The following CHIA variants were observed in gnomAD, a reference collection of about 807,000 sequenced individuals.
CHIA encodes the protein acidic mammalian chitinase.
In CHIA, 47 loss-of-function variants were observed where a neutral mutation model predicts 53.5. That is an observed-to-expected ratio of 0.88 (90% confidence interval 0.70 to 1.12). The LOEUF (loss-of-function observed/expected upper bound fraction) is 1.12. Ranked by LOEUF, CHIA falls within the 50% of genes most tolerant of loss-of-function variation. CHIA has a pLI of 0.00. For missense variants in CHIA, 652 were observed against 592.2 expected (o/e 1.10, Z -1.05); for synonymous variants, 268 against 222.2 (o/e 1.21, Z -1.83).
At chr1:111,312,960 T>C (rs1002965157) in intron 4 of CHIA, among the ~76,000 whole-genome samples, 1 of 152,222 alleles carries the variant, frequency 6.6e-6, no homozygotes, top group Non-Finnish European at 1.5e-5. Context: ...GGTTTATCCA[T>C]ATTGCTGCAA....
chr1:111,312,842 C>T (rs531099165), intron 4 of CHIA, among the ~76,000 whole-genome samples: 2 of 150,584 alleles, frequency 1.3e-5, no homozygotes, highest in Non-Finnish European at 3.0e-5. Context: ...GACCATTCTA[C>T]TATATACTTC....
Position 111,315,830 on chromosome 1 carries a change from C to A in CHIA, c.480+395C>A, listed in dbSNP as rs1461286780. On this transcript the variant is annotated intron_variant, in intron 6 of 11. Transcript: ENST00000369740. ...TTCCTCTGCAGTTTGGCCACAGAGT[C>A]CATTGCTTCTAAGCATTACACTAGG... 3 of 449,988 alleles carry A rather than the reference C, an allele frequency of 6.7e-6. No individual in the cohort carries two copies. In the East Asian group the frequency reaches 2.1e-4, roughly 32 times the overall value. 27.9% of individuals were successfully genotyped at this position (449,988 alleles called of 1,614,324 possible).
At chr1:111,311,646 A>AT (rs758337117) in intron 2 of CHIA, 43 bp from the exon 3 acceptor site, 1 of 1,609,964 alleles carries the variant, frequency 6.2e-7, no homozygotes, top group Non-Finnish European at 8.5e-7. Flanking sequence ...TCTACGGGGT[A>AT]CAGACAATCG....
chr1:111,314,425 T>C (rs1648973140), intron 4 of CHIA, 115 bp from the exon 5 acceptor site: 1 of 669,662 alleles, frequency 1.5e-6, no homozygotes, highest in South Asian at 2.1e-5. Context: ...AGGAAAATTG[T>C]TCTACAAAAG....
At position 111,319,110 on chromosome 1, in the gene CHIA, C is replaced by G; in HGVS notation, c.916-10C>G. 1 of 1,606,500 alleles carries G rather than the reference C, an allele frequency of 6.2e-7. No homozygotes were observed. Among genetic ancestry groups the G allele is most frequent in the Non-Finnish European group, 8.5e-7 (1 of 1,178,016 alleles). Reference sequence around the variant, plus strand: ...CATTTAATAGATTTGAATCTCTTGACTTTTGAAAGATCTGTACCTTCCTGA... The same window carrying G: ...CATTTAATAGATTTGAATCTCTTGAGTTTTGAAAGATCTGTACCTTCCTGA... On this transcript the variant is annotated splice_polypyrimidine_tract_variant and intron_variant, in intron 9 of 11. Transcript: ENST00000369740.
chr1:111,314,578 G>A lies in CHIA; in HGVS notation c.296G>A (p.Trp99Ter), dbSNP rs972129227. 1.1e-5 allele frequency: 18 copies of A among 1,613,390 alleles called. No individual in the cohort carries two copies. Among genetic ancestry groups the A allele is most frequent in the East Asian group, 8.9e-5 (4 of 44,882 alleles). The change falls in exon 5 of 12, where the codon TGG (tryptophan) becomes TAG (stop). Residue 99 changes from tryptophan (W) to a stop codon, truncating the protein, a stop_gained. Coordinates refer to ENST00000369740, the MANE Select transcript of CHIA (RefSeq NM_201653.4). LOFTEE classifies it high-confidence loss of function. ...AAAACTCTCCTGGCCATTGGAGGCT[G>A]GAACTTCGGGACTGCCCCGTAAGTC... ...QLKTLLAIGG[W>*]NFGTAPFTAM...
At position 111,319,442 on chromosome 1, in the gene CHIA, A is replaced by G. The variant is rs143969273; in HGVS notation, c.1151A>G (p.Lys384Arg). 2.5e-4 allele frequency: 399 copies of G among 1,614,120 alleles called. 2 individuals are homozygous for G. The African/African-American group carries it at 4.9e-3, about 20-fold the overall frequency. Residue 384 changes from lysine (K) to arginine (R), a missense_variant, in exon 11 of 12, where the codon AAG (lysine) becomes AGG (arginine). Coordinates refer to ENST00000369740, the MANE Select transcript of CHIA (RefSeq NM_201653.4). ...QGKFPLISTL[K>R]KALGLQSASC... The stretch of plus-strand genomic sequence containing the variant: ...AAGTTTCCCCTAATCTCCACCCTGA[A>G]GAAGGCCCTCGGCCTGCAGAGTGCA...
chr1:111,317,513 A>T, intron 6 of CHIA, 168 bp from the exon 7 acceptor site: 1 of 697,364 alleles, frequency 1.4e-6, no homozygotes, highest in Non-Finnish European at 2.3e-6. Flanking sequence ...ATTCAATAAT[A>T]TTATCTATCC....
At chr1:111,310,090 A>T (rs929083679) in intron 1 of CHIA, among the ~76,000 whole-genome samples, 9 of 152,238 alleles carry the variant, frequency 5.9e-5, no homozygotes, top group African/African-American at 1.9e-4. Context: ...TTATTTTTCC[A>T]TAAAGACTTG....
At chr1:111,313,582 A>G (rs994981362) in intron 4 of CHIA, among the ~76,000 whole-genome samples, 4 of 152,012 alleles carry the variant, frequency 2.6e-5, no homozygotes, top group African/African-American at 7.2e-5. Context: ...GTTTCCAACT[A>G]TTTTCTCCCA....
intron 1 of CHIA, among the ~76,000 whole-genome samples, chr1:111,306,734 A>C (rs1361101262): frequency 6.6e-6 from 1 of 152,226 alleles, no homozygotes; most frequent in Non-Finnish European, 1.5e-5. Context: ...TATATAAAGC[A>C]TGGCTATAAA....
chr1:111,306,427 G>T (rs1648191573), intron 1 of CHIA, among the ~76,000 whole-genome samples: 1 of 152,092 alleles, frequency 6.6e-6, no homozygotes, highest in African/African-American at 2.4e-5. Flanking sequence ...ATTGGATCAA[G>T]TCTATGCACT....
At chr1:111,296,278 G>A (rs570333613) in intron 1 of CHIA, among the ~76,000 whole-genome samples, 3 of 152,352 alleles carry the variant, frequency 2.0e-5, no homozygotes, top group South Asian at 2.1e-4. Context: ...CCTGACCCCT[G>A]TGTAGCCTAA....
intron 4 of CHIA, among the ~76,000 whole-genome samples, chr1:111,314,267 T>C (rs556555341): frequency 2.4e-3 from 370 of 152,374 alleles, no homozygotes; most frequent in African/African-American, 8.2e-3. Flanking sequence ...CTATTCATGT[T>C]TTTTAAACTT....
chr1:111,299,683 C>G (rs1647539791), intron 1 of CHIA, among the ~76,000 whole-genome samples: 1 of 152,150 alleles, frequency 6.6e-6, no homozygotes, highest in Non-Finnish European at 1.5e-5. Context: ...TGGCATAAGA[C>G]AGGGATGCCC....
intron 6 of CHIA, 147 bp from the exon 7 acceptor site, chr1:111,317,534 A>AT: frequency 1.2e-6 from 1 of 829,304 alleles, no homozygotes. Flanking sequence ...GATCTACTTT[A>AT]TTTGGTTGTT....
At position 111,315,230 on chromosome 1, in the gene CHIA, C is replaced by A. The variant is rs757902595; in HGVS notation, c.315-40C>A. 3.9e-6 allele frequency: 6 copies of A among 1,537,062 alleles called. No individual in the cohort carries two copies. In the East Asian group the frequency reaches 1.1e-4, roughly 29 times the overall value. ...TTGATTTTACTCCAAGGTGTTGGGACCACCAAGGTCTCACCCTGCCTTCTT... is the reference window on the plus strand; with the variant it reads ...TTGATTTTACTCCAAGGTGTTGGGAACACCAAGGTCTCACCCTGCCTTCTT... On this transcript the variant is annotated intron_variant, in intron 5 of 11. Transcript: ENST00000369740.
rs1660976694 is a variant in CHIA, at chr1:111,290,951, G to A, written c.-69+1G>A. On this transcript the variant is annotated splice_donor_variant, in intron 1 of 11. Coordinates refer to ENST00000369740, the MANE Select transcript of CHIA (RefSeq NM_201653.4). LOFTEE classifies it low-confidence loss of function (5UTR_SPLICE). ...CTGGTGGTGAATCCTCCATAGTCTG[G>A]TGAGTGTAAATATATATATATCTTT... 2.2e-6 allele frequency: 1 copy of A among 460,722 alleles called. No homozygotes were observed. Among genetic ancestry groups the A allele is most frequent in the Non-Finnish European group, 4.4e-6 (1 of 225,398 alleles). 28.5% of individuals were successfully genotyped at this position (460,722 alleles called of 1,614,324 possible).
chr1:111,305,912 T>G (rs1648142994), intron 1 of CHIA, among the ~76,000 whole-genome samples: 1 of 152,224 alleles, frequency 6.6e-6, no homozygotes. Context: ...AATTAAAGTT[T>G]TTATATAAAG....
Sources: gnomAD v4.1 joint callset for allele counts (sites outside exome capture counted in the v4.1 genomes callset) on GRCh38, gnomAD v4.1.1 for gene constraint, MANE v1.5 for transcripts, NCBI Gene and HGNC (gene_info 2026-07-23, HGNC 2026-07-21) for gene names.